RIMS1: variants seen among roughly 807,000 people sequenced by gnomAD.
RIMS1 encodes the protein regulating synaptic membrane exocytosis protein 1.
RIMS1 carries 83 observed loss-of-function variants against 214.1 expected under a neutral mutation model. The ratio of observed to expected loss-of-function variants is 0.39; its 90% confidence interval spans 0.32 to 0.47. The LOEUF is 0.47. Ranked by LOEUF, RIMS1 falls within the 20% of genes least tolerant of loss-of-function variation. The probability of loss-of-function intolerance (pLI) is 0.99; values close to 1 mark genes in which losing one functional copy is unlikely to be tolerated. For missense variants in RIMS1, 2,050 were observed against 2,161.8 expected, an observed-to-expected ratio of 0.95 and a Z score of 1.03; for synonymous variants, 793 against 786.8, an observed-to-expected ratio of 1.01 and a Z score of -0.13.
intron 2 of RIMS1, among the ~76,000 whole-genome samples, chr6:71,973,885 G>A (rs1448082525): frequency 1.3e-5 from 2 of 152,176 alleles, no homozygotes; most frequent in Non-Finnish European, 2.9e-5. Flanking sequence ...CTTTACTGGT[G>A]TCCAGGCTCT....
intron 16 of RIMS1, 66 bp downstream of exon 16, chr6:72,252,898 C>T (rs369796815): frequency 4.2e-5 from 51 of 1,211,550 alleles, no homozygotes; most frequent in Non-Finnish European, 5.6e-5. Flanking sequence ...TGTCAGCTTC[C>T]GGACCTCTTT....
chr6:72,343,441 C>T (rs886904605), intron 29 of RIMS1, among the ~76,000 whole-genome samples: 3 of 147,456 alleles, frequency 2.0e-5, no homozygotes, highest in African/African-American at 5.0e-5. Context: ...ATTGTGTCTT[C>T]TCAAGGAAAT....
intron 4 of RIMS1, among the ~76,000 whole-genome samples, chr6:72,102,618 G>C (rs909140125): frequency 1.3e-5 from 2 of 151,946 alleles, no homozygotes; most frequent in Non-Finnish European, 2.9e-5. Flanking sequence ...GGTGGGAATT[G>C]GCTTGGATGG....
intron 27 of RIMS1, among the ~76,000 whole-genome samples, chr6:72,308,878 T>C (rs558042560): frequency 6.6e-6 from 1 of 152,340 alleles, no homozygotes; most frequent in Admixed American, 6.5e-5. Context: ...AGCCTACTTA[T>C]CTGTCTTCAT....
intron 22 of RIMS1, among the ~76,000 whole-genome samples, chr6:72,268,669 C>T (rs2081659695): frequency 1.3e-5 from 2 of 152,130 alleles, no homozygotes; most frequent in African/African-American, 4.8e-5. Context: ...TCCCTTGTTA[C>T]ATAGTTTGGC....
intron 2 of RIMS1, among the ~76,000 whole-genome samples, chr6:71,974,737 C>T (rs1311380667): frequency 6.6e-6 from 1 of 152,126 alleles, no homozygotes; most frequent in African/African-American, 2.4e-5. Flanking sequence ...CTAATTTAGG[C>T]ACTAAGGCAG....
chr6:72,389,801 T>G (rs763013220), intron 29 of RIMS1, among the ~76,000 whole-genome samples: 5 of 152,224 alleles, frequency 3.3e-5, no homozygotes, highest in Non-Finnish European at 7.3e-5. Flanking sequence ...TTTTAGAATT[T>G]ATTTCCATGC....
In RIMS1 at chr6:71,910,219, T is replaced by C. The variant is rs569256842; in HGVS notation, c.164+23032T>C. Among the ~76,000 whole-genome samples the C allele has an allele frequency of 7.9e-5, 12 of 152,252 alleles. No individual in the cohort carries two copies. The East Asian group carries it at 2.1e-3, about 27-fold the overall frequency. ...TTAACGTAATGTCTGTTAGATAAGC[T>C]GACAACCTTAGGTTTAAGTAGAAAT... is the stretch of plus-strand genomic sequence containing the variant. On this transcript the variant is annotated intron_variant, in intron 1 of 33. Transcript: ENST00000521978.
chr6:72,072,234 A>G (rs1830735584), intron 2 of RIMS1, among the ~76,000 whole-genome samples: 2 of 152,170 alleles, frequency 1.3e-5, no homozygotes, highest in African/African-American at 2.4e-5. Context: ...TTATGCACAT[A>G]TTTTAATATT....
chr6:72,023,707 A>G (rs1349868368), intron 2 of RIMS1, among the ~76,000 whole-genome samples: 1 of 152,090 alleles, frequency 6.6e-6, no homozygotes, highest in Non-Finnish European at 1.5e-5. Context: ...ATTGTTACAT[A>G]GTATCGTTGT....
intron 1 of RIMS1, among the ~76,000 whole-genome samples, chr6:71,927,951 C>G (rs1294283636): frequency 6.6e-6 from 1 of 152,028 alleles, no homozygotes; most frequent in African/African-American, 2.4e-5. Flanking sequence ...ATGGAAGAGT[C>G]TTCATATTTT....
chr6:71,961,763 T>A (rs1368173885), intron 1 of RIMS1, among the ~76,000 whole-genome samples: 3 of 152,122 alleles, frequency 2.0e-5, no homozygotes, highest in Non-Finnish European at 4.4e-5. Flanking sequence ...TGTTATGTTA[T>A]CATATGGAAT....
intron 28 of RIMS1, chr6:72,316,972 G>A (rs2095837772): frequency 1.7e-6 from 1 of 600,508 alleles, no homozygotes; most frequent in Non-Finnish European, 3.2e-6. Context: ...TGTGGAGAGG[G>A]TCGAGGGCCC....
At chr6:72,139,574 T>C (rs1177804678) in intron 4 of RIMS1, among the ~76,000 whole-genome samples, 1 of 152,186 alleles carries the variant, frequency 6.6e-6, no homozygotes, top group Non-Finnish European at 1.5e-5. Context: ...CTTGGAGACT[T>C]GTTTCCCTAG....
chr6:72,166,740 T>A (rs760635230), intron 4 of RIMS1, among the ~76,000 whole-genome samples: 1 of 64,568 alleles, frequency 1.5e-5, no homozygotes, highest in Non-Finnish European at 3.1e-5. Flanking sequence ...ACTCTCTTAA[T>A]TGTTTGCTTC....
chr6:72,260,149 T>G (rs987138917), intron 18 of RIMS1, among the ~76,000 whole-genome samples: 6 of 152,132 alleles, frequency 3.9e-5, no homozygotes, highest in African/African-American at 1.4e-4. Context: ...ACAGGGCTAC[T>G]TGACCAGGGC....
intron 1 of RIMS1, among the ~76,000 whole-genome samples, chr6:71,936,175 A>G (rs1784366671): frequency 1.3e-5 from 2 of 151,450 alleles, no homozygotes; most frequent in South Asian, 4.2e-4. Flanking sequence ...AAAATACAAA[A>G]AATTAGCCGG....
intron 27 of RIMS1, 103 bp from the exon 28 acceptor site, chr6:72,313,403 T>C: frequency 1.1e-6 from 1 of 915,626 alleles, no homozygotes; most frequent in South Asian, 1.6e-5. Context: ...CTTATGAAGG[T>C]ACACCTTTAT....
chr6:72,190,238 C>A (rs531344090), intron 6 of RIMS1, among the ~76,000 whole-genome samples: 2 of 151,822 alleles, frequency 1.3e-5, no homozygotes, highest in African/African-American at 2.4e-5. Flanking sequence ...CCGAGGTGGG[C>A]GGATCACCTG....
Sources: gnomAD v4.1 joint callset for allele counts (sites outside exome capture counted in the v4.1 genomes callset) on GRCh38, gnomAD v4.1.1 for gene constraint, MANE v1.5 for transcripts, NCBI Gene and HGNC (gene_info 2026-07-23, HGNC 2026-07-21) for gene names.